Variants in CNBD1 observed in about 807,000 individuals in gnomAD.
CNBD1 encodes the protein cyclic nucleotide binding domain containing 1.
In CNBD1, 71 loss-of-function variants were observed where a neutral mutation model predicts 54.4. The ratio of observed to expected loss-of-function variants is 1.30; its 90% confidence interval spans 1.08 to 1.59. CNBD1 has a LOEUF of 1.59. Ranked by LOEUF, CNBD1 falls within the 40% of genes most tolerant of loss-of-function variation. The pLI, the probability that CNBD1 is intolerant of heterozygous loss-of-function variation, is 0.00. For synonymous variants in CNBD1, 182 were observed against 170.7 expected, an observed-to-expected ratio of 1.07 and a Z score of -0.51; for missense variants, 659 against 518.0, an observed-to-expected ratio of 1.27 and a Z score of -2.64.
chr8:87,229,519 T>G (rs1389516318), intron 5 of CNBD1, among the ~76,000 whole-genome samples: 4 of 152,150 alleles, frequency 2.6e-5, no homozygotes, highest in Non-Finnish European at 5.9e-5. Context: ...ATAGTAATCT[T>G]TTTTAGACAA....
At chr8:87,045,927 G>T (rs2130616597) in intron 4 of CNBD1, among the ~76,000 whole-genome samples, 1 of 150,998 alleles carries the variant, frequency 6.6e-6, no homozygotes, top group South Asian at 2.1e-4. Flanking sequence ...TGTAGTCCCA[G>T]CTATTCAGGA....
intron 5 of CNBD1, among the ~76,000 whole-genome samples, chr8:87,207,702 TC>T (rs1216494950): frequency 6.6e-6 from 1 of 152,200 alleles, no homozygotes; most frequent in Non-Finnish European, 1.5e-5. Flanking sequence ...TCAAACATTT[TC>T]TAAAATTAAA....
chr8:87,273,249 G>A lies in CNBD1; in HGVS notation c.772-11429G>A, dbSNP rs1451142852. 3.3e-5 allele frequency among the ~76,000 whole-genome samples: 5 copies of A among 151,890 alleles called. No homozygotes were observed. In the East Asian group the frequency reaches 9.7e-4, roughly 29 times the overall value. ...GTTTAATTTTTAAAATATATATCTG[G>A]TTGAATTAAATATTCAATAATTCCT... is the stretch of plus-strand genomic sequence containing the variant. On this transcript the variant is annotated intron_variant, in intron 6 of 10. Coordinates refer to ENST00000518476, the MANE Select transcript of CNBD1 (RefSeq NM_173538.3).
At chr8:87,408,254 G>A (rs1807683117) in intron 2 of CNBD1, among the ~76,000 whole-genome samples, 1 of 151,658 alleles carries the variant, frequency 6.6e-6, no homozygotes, top group Non-Finnish European at 1.5e-5. Context: ...TTCTTACATT[G>A]TTTTCTCAGT....
chr8:87,045,779 C>T (rs977471899), intron 4 of CNBD1, among the ~76,000 whole-genome samples: 2 of 146,946 alleles, frequency 1.4e-5, no homozygotes, highest in African/African-American at 2.5e-5. Flanking sequence ...TGGTGGCTCA[C>T]GCCTATAATC....
intron 10 of CNBD1, among the ~76,000 whole-genome samples, chr8:87,362,789 C>T (rs1810550216): frequency 1.3e-5 from 2 of 152,058 alleles, no homozygotes; most frequent in Admixed American, 1.3e-4. Flanking sequence ...AAGTCAGGTA[C>T]ATATAACACT....
chr8:87,308,674 G>C (rs892780488), intron 8 of CNBD1, among the ~76,000 whole-genome samples: 14 of 152,014 alleles, frequency 9.2e-5, no homozygotes, highest in Admixed American at 9.2e-4. Context: ...CTGTGATTTG[G>C]AACACTAGAA....
At chr8:87,106,956 G>A (rs1188132885) in intron 4 of CNBD1, among the ~76,000 whole-genome samples, 1 of 151,924 alleles carries the variant, frequency 6.6e-6, no homozygotes, top group Non-Finnish European at 1.5e-5. Flanking sequence ...AACCTCCCGA[G>A]TAGCTGGGAT....
intron 4 of CNBD1, among the ~76,000 whole-genome samples, chr8:87,126,858 T>A (rs1811999991): frequency 6.6e-6 from 1 of 151,940 alleles, no homozygotes; most frequent in East Asian, 1.9e-4. Context: ...TGTATATAGA[T>A]ATCCAGTGGT....
intron 4 of CNBD1, among the ~76,000 whole-genome samples, chr8:87,170,069 C>T (rs745523622): frequency 6.6e-6 from 1 of 151,866 alleles, no homozygotes; most frequent in Non-Finnish European, 1.5e-5. Flanking sequence ...AATTTTTTGG[C>T]CTCTTAAATT....
chr8:87,427,795 G>T (rs1001349323), intron 2 of CNBD1, among the ~76,000 whole-genome samples: 23 of 152,048 alleles, frequency 1.5e-4, no homozygotes, highest in Admixed American at 6.6e-4. Flanking sequence ...CAGTGCATTG[G>T]CTGTAGTCCT....
chr8:86,997,005 C>T (rs760001048), intron 4 of CNBD1, among the ~76,000 whole-genome samples: 13 of 152,118 alleles, frequency 8.5e-5, no homozygotes, highest in Non-Finnish European at 1.8e-4. Context: ...GCCCTCTGAC[C>T]TAATCATCTC....
intron 2 of CNBD1, among the ~76,000 whole-genome samples, chr8:86,893,324 G>A (rs1016834218): frequency 6.6e-6 from 1 of 152,166 alleles, no homozygotes; most frequent in African/African-American, 2.4e-5. Context: ...CATTTGAAAT[G>A]TATACACATT....
At chr8:87,374,017 T>A (rs931217887) in intron 10 of CNBD1, among the ~76,000 whole-genome samples, 1 of 151,796 alleles carries the variant, frequency 6.6e-6, no homozygotes, top group African/African-American at 2.4e-5. Context: ...ACAACTAGGC[T>A]TTTATAGTAT....
At chr8:87,293,595 C>T (rs951610372) in intron 8 of CNBD1, among the ~76,000 whole-genome samples, 6 of 152,130 alleles carry the variant, frequency 3.9e-5, no homozygotes, top group African/African-American at 1.2e-4. Flanking sequence ...AGTAACTACA[C>T]TGTACTCCTT....
At chr8:87,226,390 T>C (rs1381545586) in intron 5 of CNBD1, among the ~76,000 whole-genome samples, 1 of 150,516 alleles carries the variant, frequency 6.6e-6, no homozygotes, top group Non-Finnish European at 1.5e-5. Context: ...TGCTATAAAT[T>C]TCCCTCTACA....
At chr8:86,883,207 A>G (rs1808630271) in intron 1 of CNBD1, among the ~76,000 whole-genome samples, 1 of 152,218 alleles carries the variant, frequency 6.6e-6, no homozygotes, top group East Asian at 1.9e-4. Flanking sequence ...GATTGGTGAC[A>G]AAGTTATTAT....
chr8:87,391,754 G>A (rs1053664707), intron 2 of CNBD1, among the ~76,000 whole-genome samples: 4 of 152,012 alleles, frequency 2.6e-5, no homozygotes, highest in Admixed American at 2.6e-4. Flanking sequence ...AGAAAATTTA[G>A]AAGTAAATCT....
At chr8:87,226,853 C>T (rs1376278925) in intron 5 of CNBD1, among the ~76,000 whole-genome samples, 1 of 151,176 alleles carries the variant, frequency 6.6e-6, no homozygotes, top group Non-Finnish European at 1.5e-5. Flanking sequence ...TAAAGTCTCC[C>T]ATTATTAATG....
Sources: allele counts gnomAD v4.1 joint callset (sites outside exome capture counted in the v4.1 genomes callset), GRCh38; gene constraint gnomAD v4.1.1; transcripts MANE v1.5; gene names NCBI Gene and HGNC (gene_info 2026-07-23, HGNC 2026-07-21).